The following WDR27 variants were observed in gnomAD, a reference collection of about 807,000 sequenced individuals.
WDR27 encodes WD repeat-containing protein 27.
A neutral mutation model predicts 114.4 loss-of-function variants in WDR27; 100 were observed. The observed-to-expected ratio is 0.87, with a 90% CI of 0.74 to 1.03. The LOEUF (loss-of-function observed/expected upper bound fraction) is 1.03. Ranked by LOEUF, WDR27 falls within the 50% of genes least tolerant of loss-of-function variation. WDR27 has a pLI of 0.00. For synonymous variants in WDR27, 449 were observed against 423.1 expected (o/e 1.06, Z -0.75); for missense variants, 1,129 against 1,092.9 (o/e 1.03, Z -0.47).
intron 14 of WDR27, among the ~76,000 whole-genome samples, chr6:169,650,390 C>G (rs111210909): frequency 7.0e-6 from 1 of 143,538 alleles, no homozygotes; most frequent in African/African-American, 2.6e-5. Context: ...CCCACTCATC[C>G]GTCATCCCTC....
chr6:169,560,454 G>A (rs1025822682), intron 25 of WDR27, among the ~76,000 whole-genome samples: 8 of 152,214 alleles, frequency 5.3e-5, no homozygotes, highest in Admixed American at 3.9e-4. Context: ...TAAGGTGTGT[G>A]CACATGGCCC....
rs202036897 is a variant in WDR27 at position 169,636,410 on chromosome 6, A to T, written c.1964T>A (p.Leu655Gln). The T allele has an allele frequency of 6.2e-7, 1 of 1,613,950 alleles. No homozygotes were observed. Among genetic ancestry groups the T allele is most frequent in the South Asian group, 1.1e-5 (1 of 91,074 alleles). The part of the protein sequence containing the change: ...LLSSGPEFQL[L>Q]RYHIDTCKDE... ...TTTGCAAGTGTCAATGTGATACCTC[A>T]GTAGCTGAAATTCAGGGCCAGAAGA... Residue 655 changes from leucine to glutamine, a missense_variant, in exon 19 of 26, where the codon CTG becomes CAG. Physicochemically the swap from Leu to Gln is moderately radical, Grantham distance 113. Transcript: ENST00000448612.
the WDR27 span, among the ~76,000 whole-genome samples, chr6:169,431,634 G>T: frequency 8.6e-5 from 13 of 151,936 alleles, no homozygotes; most frequent in Non-Finnish European, 1.8e-4. Flanking sequence ...TTTATCTTTA[G>T]GTTCATTTGC....
At chr6:169,511,645 T>C (rs1792896950) in intron 25 of WDR27, among the ~76,000 whole-genome samples, 1 of 152,144 alleles carries the variant, frequency 6.6e-6, no homozygotes, top group Non-Finnish European at 1.5e-5. Context: ...TATCCTCAGT[T>C]TTCCTTCCTG....
chr6:169,535,031 T>A (rs1468997094), intron 25 of WDR27, among the ~76,000 whole-genome samples: 3 of 151,964 alleles, frequency 2.0e-5, no homozygotes, highest in Non-Finnish European at 4.4e-5. Flanking sequence ...AAACTTCTAA[T>A]ACTACAAGGC....
Position 169,473,060 on chromosome 6 carries a change from T to C in WDR27, c.2646-15426A>G, listed in dbSNP as rs1430914999. On this transcript the variant is annotated intron_variant, in intron 25 of 25. Coordinates refer to ENST00000448612, the MANE Select transcript of WDR27 (RefSeq NM_182552.5). ...AAACAACATAAAAATACTTTTCAGA[T>C]AGCTGTTGGCACTTCTATTTCCAAA... Among the ~76,000 whole-genome samples the C allele has an allele frequency of 4.6e-5, 7 of 152,342 alleles. No individual in the cohort carries two copies. The East Asian group carries it at 9.6e-4, about 21-fold the overall frequency.
At chr6:169,613,493 G>T in intron 22 of WDR27, 66 bp downstream of exon 22, 1 of 1,277,820 alleles carries the variant, frequency 7.8e-7, no homozygotes, top group Non-Finnish European at 1.1e-6. Context: ...TCGGAAAAGA[G>T]ATCAGATTGA....
At chr6:169,577,866 C>A (rs977956516) in intron 24 of WDR27, among the ~76,000 whole-genome samples, 15 of 152,178 alleles carry the variant, frequency 9.9e-5, no homozygotes, top group Non-Finnish European at 1.9e-4. Flanking sequence ...CAACTCTTAC[C>A]CCATTCTCAG....
Position 169,549,520 on chromosome 6 carries a change from T to C in WDR27, c.2645+22899A>G, listed in dbSNP as rs1266080457. Among the ~76,000 whole-genome samples the C allele has an allele frequency of 2.6e-5, 4 of 152,200 alleles. No homozygotes were observed. The South Asian group carries it at 6.2e-4, about 24-fold the overall frequency. On this transcript the variant is annotated intron_variant, in intron 25 of 25. Transcript: ENST00000448612. Reference sequence around the variant, plus strand: ...CATATGATTCAGAAACTGTACTCCTTGGTATTTACCAAAATAAGCTGAAAA... The same window carrying C: ...CATATGATTCAGAAACTGTACTCCTCGGTATTTACCAAAATAAGCTGAAAA...
intron 25 of WDR27, among the ~76,000 whole-genome samples, chr6:169,542,579 T>C (rs1796960368): frequency 6.6e-6 from 1 of 152,116 alleles, no homozygotes; most frequent in Admixed American, 6.5e-5. Flanking sequence ...CAAAGCATTT[T>C]TAAATGTTAA....
intron 8 of WDR27, chr6:169,663,837 G>A (rs1018195477): frequency 1.5e-5 from 5 of 324,432 alleles, no homozygotes; most frequent in Non-Finnish European, 2.8e-5. Flanking sequence ...GTCATGCAGT[G>A]TACCTTTCTG....
In WDR27 at chr6:169,632,293, G is replaced by A. The variant is rs373798768; in HGVS notation, c.2223+654C>T. 1.3e-4 allele frequency among the ~76,000 whole-genome samples: 20 copies of A among 151,926 alleles called. No homozygotes were observed. In the South Asian group the frequency reaches 2.5e-3, roughly 19 times the overall value. On this transcript the variant is annotated intron_variant, in intron 21 of 25. Coordinates refer to ENST00000448612, the MANE Select transcript of WDR27 (RefSeq NM_182552.5). ...ACTTCACTTGGCAAAATGATACCCT[G>A]AATCATGATATAAATGCCAGATGCA... is the stretch of plus-strand genomic sequence containing the variant.
At chr6:169,511,002 C>G (rs1792771046) in intron 25 of WDR27, among the ~76,000 whole-genome samples, 1 of 152,128 alleles carries the variant, frequency 6.6e-6, no homozygotes, top group Non-Finnish European at 1.5e-5. Context: ...ACATCAGCAG[C>G]TTTATACATT....
chr6:169,575,335 CA>C (rs1802113876), intron 24 of WDR27, among the ~76,000 whole-genome samples: 5 of 99,788 alleles, frequency 5.0e-5, no homozygotes, highest in Admixed American at 1.2e-4. Flanking sequence ...TCTCTCTCTC[CA>C]TCCATCCATC....
chr6:169,490,554 T>C (rs1342211662), intron 25 of WDR27, among the ~76,000 whole-genome samples: 1 of 152,162 alleles, frequency 6.6e-6, no homozygotes, highest in Non-Finnish European at 1.5e-5. Flanking sequence ...AGGTCCGATA[T>C]CAGTTGCGGG....
At chr6:169,499,945 G>C (rs370957042) in intron 25 of WDR27, among the ~76,000 whole-genome samples, 1 of 152,138 alleles carries the variant, frequency 6.6e-6, no homozygotes. Context: ...AAGTCTGTCC[G>C]GGGGACCTGA....
At chr6:169,505,461 ATTCCTTCTC>A (rs1791881007) in intron 25 of WDR27, among the ~76,000 whole-genome samples, 2 of 151,552 alleles carry the variant, frequency 1.3e-5, no homozygotes, top group Non-Finnish European at 3.0e-5. Flanking sequence ...TACATTTGTT[ATTCCTTCTC>A]TATACTTAGG....
At chr6:169,448,725 C>T in the WDR27 span, among the ~76,000 whole-genome samples, 1 of 152,200 alleles carries the variant, frequency 6.6e-6, no homozygotes, top group African/African-American at 2.4e-5. Flanking sequence ...CTACAGCAGA[C>T]ACTGGGAGAG....
chr6:169,642,883 G>C (rs1224209093), intron 17 of WDR27, among the ~76,000 whole-genome samples: 1 of 152,168 alleles, frequency 6.6e-6, no homozygotes, highest in Non-Finnish European at 1.5e-5. Context: ...GCAATGCTTG[G>C]GATTAGAGGT....
Sources: allele counts gnomAD v4.1 joint callset (sites outside exome capture counted in the v4.1 genomes callset), GRCh38; gene constraint gnomAD v4.1.1; transcripts MANE v1.5; gene names NCBI Gene and HGNC (gene_info 2026-07-23, HGNC 2026-07-21).